The following PCDHGB4 variants were observed in gnomAD, a reference collection of about 807,000 sequenced individuals.
PCDHGB4 encodes the protein protocadherin gamma-B4.
In PCDHGB4, 38 loss-of-function variants were observed where a neutral mutation model predicts 60.5. The ratio of observed to expected loss-of-function variants is 0.63; its 90% CI spans 0.48 to 0.82. The LOEUF (loss-of-function observed/expected upper bound fraction) is 0.82, where lower values mean the gene tolerates loss of function less well. PCDHGB4 is among the 40% of genes least tolerant of loss of function. The probability of loss-of-function intolerance (pLI) is 0.00; values close to 1 mark genes in which losing one functional copy is unlikely to be tolerated. For missense variants in PCDHGB4, 1,109 were observed against 1,209.6 expected (o/e 0.92, Z 1.23); for synonymous variants, 456 against 509.7 (o/e 0.89, Z 1.42).
rs200601557 is a variant in PCDHGB4, at chr5:141,432,538, G to A, written c.2397+42257G>A. 5.0e-6 allele frequency: 8 copies of A among 1,613,908 alleles called. No homozygotes were observed. The highest frequency in any genetic ancestry group is 1.7e-5 in the Admixed American group (1 of 60,012). On this transcript the variant is annotated intron_variant, in intron 1 of 3. Coordinates refer to ENST00000519479, the MANE Select transcript of PCDHGB4 (RefSeq NM_003736.4). The surrounding 1 kb of genome is among the most constrained non-coding windows in gnomAD (Gnocchi z 6.0). ...GCTACCTGGTGACCAAGGTGGTGGCGGTGGACAGAGACTCCGGCCAGAACG... is the reference window on the plus strand; with the variant it reads ...GCTACCTGGTGACCAAGGTGGTGGCAGTGGACAGAGACTCCGGCCAGAACG...
At position 141,487,611 on chromosome 5, in the gene PCDHGB4, T is replaced by C. The variant is rs1215704705; in HGVS notation, c.2398-7196T>C. ...CCACCCTCTGATCTTCTCTATGGGCTAGAGGTGAGACCTTTGCAGGCTCAA... is the reference window on the plus strand; with the variant it reads ...CCACCCTCTGATCTTCTCTATGGGCCAGAGGTGAGACCTTTGCAGGCTCAA... On this transcript the variant is annotated intron_variant, in intron 1 of 3. Transcript: ENST00000519479. This position sits in a 1 kb window ranked among gnomAD's most constrained non-coding sequence, Gnocchi z 5.0. The C allele has an allele frequency of 1.2e-6, 2 of 1,614,206 alleles. No homozygotes were observed. The highest frequency in any genetic ancestry group is 1.7e-6 in the Non-Finnish European group (2 of 1,180,036).
rs2093099818 is a variant in PCDHGB4 at position 141,394,799 on chromosome 5, A to T, written c.2397+4518A>T. On this transcript the variant is annotated intron_variant, in intron 1 of 3. Transcript: ENST00000519479. The stretch of plus-strand genomic sequence containing the variant: ...TCTCCGCCACTGTCACGCTCACCGT[A>T]GCCGTGGCTGACAGCATCCCCGAAG... 3 of 1,613,690 alleles carry T rather than the reference A, an allele frequency of 1.9e-6. No individual in the cohort carries two copies. The Admixed American group carries it at 5.0e-5, about 27-fold the overall frequency.
intron 2 of PCDHGB4, among the ~76,000 whole-genome samples, chr5:141,500,008 C>T (rs1027220192): frequency 6.6e-6 from 1 of 151,770 alleles, no homozygotes; most frequent in African/African-American, 2.4e-5. Flanking sequence ...TTCATAAGGT[C>T]CACATTTTAT....
chr5:141,415,270 G>A (rs1044469814), intron 1 of PCDHGB4: 1 of 1,614,118 alleles, frequency 6.2e-7, no homozygotes, highest in Non-Finnish European at 8.5e-7. Flanking sequence ...GTACCTGGTG[G>A]TAGCGGTGGC....
Position 141,485,625 on chromosome 5 carries a change from G to T in PCDHGB4, c.2398-9182G>T. 6.2e-7 allele frequency: 1 copy of T among 1,611,968 alleles called. No individual in the cohort carries two copies. On this transcript the variant is annotated intron_variant, in intron 1 of 3. Transcript: ENST00000519479. This position sits in a 1 kb window ranked among gnomAD's most constrained non-coding sequence, Gnocchi z 5.7. ...GGGGAGGCAGCTCCTCCAGGACAGC[G>T]TTTCCCGTTGGAAAAGGCTCAGGAT...
At chr5:141,469,807 T>C (rs1294838215) in intron 1 of PCDHGB4, among the ~76,000 whole-genome samples, 1 of 152,070 alleles carries the variant, frequency 6.6e-6, no homozygotes, top group African/African-American at 2.4e-5. Context: ...AAAAACATTG[T>C]AGATAGAATG....
Position 141,420,101 on chromosome 5 carries a change from T to A in PCDHGB4, c.2397+29820T>A. 5 of 1,614,046 alleles carry A rather than the reference T, an allele frequency of 3.1e-6. No homozygotes were observed. Among genetic ancestry groups the A allele is most frequent in the Non-Finnish European group, 4.2e-6 (5 of 1,179,870 alleles). ...TCCCCCCAACTACAGTGAGGGAACGTTGCCCTATGCCTATAATTTTTGTGT... is the reference window on the plus strand; with the variant it reads ...TCCCCCCAACTACAGTGAGGGAACGATGCCCTATGCCTATAATTTTTGTGT... On this transcript the variant is annotated intron_variant, in intron 1 of 3. Transcript: ENST00000519479.
chr5:141,456,578 C>G (rs959608396), intron 1 of PCDHGB4, among the ~76,000 whole-genome samples: 10 of 152,182 alleles, frequency 6.6e-5, no homozygotes, highest in African/African-American at 1.7e-4. Flanking sequence ...TTTCCCTGAG[C>G]CTGTCAATAA....
In PCDHGB4 at chr5:141,418,814, A is replaced by G. The variant is rs2096290321; in HGVS notation, c.2397+28533A>G. ...AGAAGTAGAAAGATATACGATAAACATAGAAGCAAAAGACCGAGGATCTCT... is the reference window on the plus strand; with the variant it reads ...AGAAGTAGAAAGATATACGATAAACGTAGAAGCAAAAGACCGAGGATCTCT... On this transcript the variant is annotated intron_variant, in intron 1 of 3. Transcript: ENST00000519479. The G allele has an allele frequency of 6.2e-7, 1 of 1,613,962 alleles. No individual in the cohort carries two copies.
intron 1 of PCDHGB4, among the ~76,000 whole-genome samples, chr5:141,444,229 T>G (rs957213677): frequency 4.6e-5 from 6 of 130,226 alleles, no homozygotes; most frequent in Admixed American, 9.4e-5. Context: ...TGGAGTGCAA[T>G]GGCATGCTCT....
chr5:141,510,510 G>C (rs1042950478), intron 3 of PCDHGB4, among the ~76,000 whole-genome samples: 1 of 152,132 alleles, frequency 6.6e-6, no homozygotes, highest in Non-Finnish European at 1.5e-5. Context: ...CTGAGAGCCC[G>C]TGTCACAGCC....
chr5:141,495,878 T>C (rs2099764378), intron 2 of PCDHGB4, among the ~76,000 whole-genome samples: 1 of 152,184 alleles, frequency 6.6e-6, no homozygotes, highest in African/African-American at 2.4e-5. Context: ...TTCCTCTCTG[T>C]TCTTTGTCTC....
intron 1 of PCDHGB4, chr5:141,398,925 C>G (rs766149685): frequency 1.1e-5 from 17 of 1,613,966 alleles, no homozygotes; most frequent in Non-Finnish European, 1.4e-5. Flanking sequence ...AAGTGTCAGC[C>G]ACTGACCAAG....
At chr5:141,418,423 T>G (rs1469880702) in intron 1 of PCDHGB4, 1 of 1,613,868 alleles carries the variant, frequency 6.2e-7, no homozygotes. Flanking sequence ...ATCCTGATGG[T>G]GGCAAATATC....
At chr5:141,452,119 TTCATATATGGC>T (rs1472213897) in intron 1 of PCDHGB4, among the ~76,000 whole-genome samples, 3 of 152,250 alleles carry the variant, frequency 2.0e-5, no homozygotes, top group African/African-American at 7.2e-5. Flanking sequence ...TTCTTATTTA[TTCATATATGGC>T]TCATGTGTTT....
At chr5:141,394,748 C>T (rs960054108) in intron 1 of PCDHGB4, 1 of 1,613,414 alleles carries the variant, frequency 6.2e-7, no homozygotes, top group Non-Finnish European at 8.5e-7. Context: ...TCGTGGTGGC[C>T]GTCCAGGACC....
intron 1 of PCDHGB4, chr5:141,418,639 C>T (rs2096276711): frequency 6.2e-7 from 1 of 1,614,014 alleles, no homozygotes; most frequent in Non-Finnish European, 8.5e-7. Flanking sequence ...CAGGCACCTC[C>T]ATCCTGAGAG....
chr5:141,509,830 T>A (rs1328716142), intron 3 of PCDHGB4, among the ~76,000 whole-genome samples: 1 of 152,204 alleles, frequency 6.6e-6, no homozygotes, highest in African/African-American at 2.4e-5. Flanking sequence ...ATCTTCTCTC[T>A]ACCTCCCATT....
chr5:141,499,012 G>GGAAGGAAT, intron 2 of PCDHGB4, among the ~76,000 whole-genome samples: 1 of 147,618 alleles, frequency 6.8e-6, no homozygotes. Context: ...AAGGAAGGAA[G>GGAAGGAAT]GAAGGAAGGA....
Sources: gnomAD v4.1 joint callset for allele counts (sites outside exome capture counted in the v4.1 genomes callset) on GRCh38, gnomAD v4.1.1 for gene constraint, Gnocchi (gnomAD v3.1) non-coding constraint, MANE v1.5 for transcripts, NCBI Gene and HGNC (gene_info 2026-07-23, HGNC 2026-07-21) for gene names.